The following IL7 variants were observed in gnomAD, a reference collection of about 807,000 sequenced individuals.
IL7 encodes interleukin 7, also known as interleukin-7.
Under a neutral mutation model 21.6 loss-of-function variants are expected in IL7, and 3 were observed. The observed-to-expected ratio is 0.14, with a 90% confidence interval of 0.06 to 0.36. IL7 has a LOEUF of 0.36. IL7 is among the 10% of genes least tolerant of loss of function. IL7 has a pLI of 1.00. For missense variants in IL7, 175 were observed against 200.2 expected (o/e 0.87, Z 0.76); for synonymous variants, 62 against 68.1 (o/e 0.91, Z 0.44).
chr8:78,702,771 G>C (rs1810647208), intron 3 of IL7, among the ~76,000 whole-genome samples: 1 of 152,144 alleles, frequency 6.6e-6, no homozygotes, highest in South Asian at 2.1e-4. Flanking sequence ...GTAGGGTTTT[G>C]AGTTAATTTC....
chr8:78,765,984 T>C (rs1000104464), intron 2 of IL7, among the ~76,000 whole-genome samples: 1 of 152,100 alleles, frequency 6.6e-6, no homozygotes, highest in African/African-American at 2.4e-5. Context: ...ATGGAATATT[T>C]TTTCAGTTCT....
intron 3 of IL7, among the ~76,000 whole-genome samples, chr8:78,690,794 T>C (rs926649528): frequency 6.6e-6 from 1 of 152,224 alleles, no homozygotes; most frequent in African/African-American, 2.4e-5. Flanking sequence ...GTATATTATA[T>C]AGGTCATACA....
chr8:78,793,612 C>T (rs771582052), intron 2 of IL7, among the ~76,000 whole-genome samples: 7 of 152,074 alleles, frequency 4.6e-5, no homozygotes, highest in Admixed American at 2.0e-4. Flanking sequence ...CTTGCTTCAA[C>T]GTTAGTGGAT....
chr8:78,691,040 T>A (rs1206423716), intron 3 of IL7, among the ~76,000 whole-genome samples: 1 of 152,162 alleles, frequency 6.6e-6, no homozygotes, highest in Admixed American at 6.5e-5. Flanking sequence ...ACAGTTTTAT[T>A]TTCTTCCCTC....
chr8:78,750,639 C>A (rs1055698618), intron 2 of IL7, among the ~76,000 whole-genome samples: 1 of 152,046 alleles, frequency 6.6e-6, no homozygotes, highest in Non-Finnish European at 1.5e-5. Context: ...CTGGCTAACA[C>A]GGTGAAACCC....
In IL7 at chr8:78,697,440, C is replaced by T. The variant is rs769083996; in HGVS notation, n.215-11493G>A. The stretch of plus-strand genomic sequence containing the variant: ...ACCCGCACTTAAAAAGTCAAATTCT[C>T]CTGGAACTGCATCATCAGGATCTTC... On this transcript the variant is annotated intron_variant and non_coding_transcript_variant, in intron 3 of 4. Transcript: ENST00000523959. The T allele has an allele frequency of 8.7e-6, 14 of 1,608,646 alleles. No individual in the cohort carries two copies. Among genetic ancestry groups the T allele is most frequent in the South Asian group, 1.1e-5 (1 of 89,964 alleles).
intron 2 of IL7, among the ~76,000 whole-genome samples, chr8:78,780,094 G>A (rs770195046): frequency 4.6e-5 from 7 of 151,728 alleles, no homozygotes; most frequent in South Asian, 2.1e-4. Flanking sequence ...TTATCTTATC[G>A]TTTTATTGTG....
At chr8:78,689,546 C>G (rs1031199763) in intron 3 of IL7, among the ~76,000 whole-genome samples, 41 of 152,018 alleles carry the variant, frequency 2.7e-4, no homozygotes, top group Middle Eastern at 3.4e-3. Context: ...ATCTGTAAAT[C>G]ATTTCAAGCT....
chr8:78,751,184 AAGG>A (rs1001007009), intron 2 of IL7, among the ~76,000 whole-genome samples: 1 of 152,092 alleles, frequency 6.6e-6, no homozygotes, highest in Non-Finnish European at 1.5e-5. Context: ...GAATATAAAA[AAGG>A]AGAAGAGACA....
intron 2 of IL7, among the ~76,000 whole-genome samples, chr8:78,776,176 G>T (rs2130798208): frequency 6.6e-6 from 1 of 152,130 alleles, no homozygotes; most frequent in Non-Finnish European, 1.5e-5. Flanking sequence ...GGGCCATTAT[G>T]AAGTAAAGTA....
chr8:78,747,622 T>C (rs1454402371), intron 2 of IL7, among the ~76,000 whole-genome samples: 1 of 152,224 alleles, frequency 6.6e-6, no homozygotes, highest in Non-Finnish European at 1.5e-5. Flanking sequence ...ATTTGTCAGG[T>C]AGCTTAGCAG....
At chr8:78,722,138 A>G (rs1158203165) in intron 3 of IL7, among the ~76,000 whole-genome samples, 1 of 151,994 alleles carries the variant, frequency 6.6e-6, no homozygotes, top group Non-Finnish European at 1.5e-5. Context: ...TTTAAAATAA[A>G]TGCACATTAC....
intron 3 of IL7, chr8:78,697,537 T>C (rs1167765461): frequency 6.0e-5 from 93 of 1,545,678 alleles, no homozygotes; most frequent in Non-Finnish European, 8.3e-5. Flanking sequence ...ACTTGATTTG[T>C]TTTTGAAACC....
intron 3 of IL7, among the ~76,000 whole-genome samples, chr8:78,704,387 CAAAAAA>C (rs1307275741): frequency 3.1e-5 from 2 of 65,262 alleles, no homozygotes. Flanking sequence ...GACTCCATCT[CAAAAAA>C]AAAAAAAAAA....
At chr8:78,751,600 T>G (rs1812174701) in intron 2 of IL7, among the ~76,000 whole-genome samples, 1 of 152,176 alleles carries the variant, frequency 6.6e-6, no homozygotes, top group Non-Finnish European at 1.5e-5. Context: ...ATAAATACTT[T>G]CCCTTATTTT....
intron 3 of IL7, among the ~76,000 whole-genome samples, chr8:78,705,298 G>GT (rs1036897624): frequency 3.4e-4 from 52 of 152,274 alleles, no homozygotes; most frequent in Middle Eastern, 6.8e-3. Flanking sequence ...GGATGGGTTT[G>GT]TTTTTTTGAA....
chr8:78,767,936 A>G (rs568022579), intron 2 of IL7, among the ~76,000 whole-genome samples: 1 of 151,728 alleles, frequency 6.6e-6, no homozygotes, highest in East Asian at 1.9e-4. Context: ...CCACCTCACA[A>G]CAGTCCCCAG....
rs138342998 is a variant in IL7, at chr8:78,767,331, A to G, written c.148-27249T>C. The stretch of plus-strand genomic sequence containing the variant: ...TTAATTTTGGAGTTTAACATAATTT[A>G]TATTTATTGTCAGATAGTCATTCTA... On this transcript the variant is annotated intron_variant, in intron 2 of 5. Transcript: ENST00000263851. 9.2e-5 allele frequency among the ~76,000 whole-genome samples: 14 copies of G among 152,066 alleles called. No homozygotes were observed. In the East Asian group the frequency reaches 2.5e-3, roughly 27 times the overall value.
At chr8:78,803,144 T>G (rs890549016) in intron 1 of IL7, among the ~76,000 whole-genome samples, 1 of 152,170 alleles carries the variant, frequency 6.6e-6, no homozygotes. Context: ...TTTATGCTTG[T>G]TCAGGGTTTC....
Sources: allele counts gnomAD v4.1 joint callset (sites outside exome capture counted in the v4.1 genomes callset), GRCh38; gene constraint gnomAD v4.1.1; transcripts MANE v1.5; gene names NCBI Gene and HGNC (gene_info 2026-07-23, HGNC 2026-07-21).